Variants in RTN1 observed in about 807,000 individuals in gnomAD.
RTN1 encodes reticulon 1.
In RTN1, 25 loss-of-function variants were observed where a neutral mutation model predicts 65.5. That is an observed-to-expected ratio of 0.38 (90% CI 0.28 to 0.53). The LOEUF is 0.53. Ranked by LOEUF, RTN1 falls within the 20% of genes least tolerant of loss-of-function variation. RTN1 has a pLI of 0.79. For missense variants in RTN1, 983 were observed against 1,025.4 expected (o/e 0.96, Z 0.57); for synonymous variants, 471 against 447.6 (o/e 1.05, Z -0.66).
In RTN1 at chr14:59,810,756, G is replaced by A. The variant is rs80098717; in HGVS notation, c.241+59634C>T. On this transcript the variant is annotated intron_variant, in intron 1 of 8. Coordinates refer to ENST00000267484, the MANE Select transcript of RTN1 (RefSeq NM_021136.3). ...ATCTTCAATATTCATAGGAGTCAGC[G>A]AGGTGAAGAGGACAAGGACAAGTAC... 4.2e-3 allele frequency among the ~76,000 whole-genome samples: 646 copies of A among 152,294 alleles called. 19 individuals carry two copies. The East Asian group carries it at 0.058, about 14-fold the overall frequency.
intron 1 of RTN1, among the ~76,000 whole-genome samples, chr14:59,755,700 C>T (rs570913577): frequency 6.6e-6 from 1 of 152,278 alleles, no homozygotes; most frequent in East Asian, 1.9e-4. Flanking sequence ...ACCTAGAAAA[C>T]ATTCTCCTTC....
At chr14:59,619,386 CA>C (rs796464886) in intron 3 of RTN1, among the ~76,000 whole-genome samples, 11 of 152,260 alleles carry the variant, frequency 7.2e-5, no homozygotes, top group African/African-American at 2.6e-4. Flanking sequence ...ATGAGGCTGA[CA>C]ATTGCACACA....
At chr14:59,845,973 G>C (rs1185059070) in intron 1 of RTN1, among the ~76,000 whole-genome samples, 1 of 152,170 alleles carries the variant, frequency 6.6e-6, no homozygotes, top group Non-Finnish European at 1.5e-5. Context: ...ATTAGGAACA[G>C]CAGAAGCTTG....
At chr14:59,795,951 A>G (rs899482328) in intron 1 of RTN1, among the ~76,000 whole-genome samples, 2 of 152,178 alleles carry the variant, frequency 1.3e-5, no homozygotes, top group Admixed American at 1.3e-4. Flanking sequence ...TTATCCAAAA[A>G]TTATGTATTA....
chr14:59,764,543 A>AACTC (rs927550431), intron 1 of RTN1, among the ~76,000 whole-genome samples: 3 of 152,054 alleles, frequency 2.0e-5, no homozygotes, highest in Admixed American at 6.5e-5. Flanking sequence ...GGTGGTCTCG[A>AACTC]ACTCCTGACC....
At chr14:59,772,579 T>C (rs529640241) in intron 1 of RTN1, among the ~76,000 whole-genome samples, 1 of 152,116 alleles carries the variant, frequency 6.6e-6, no homozygotes, top group South Asian at 2.1e-4. Context: ...AGGAAATTAT[T>C]GCTCCTGGCT....
chr14:59,686,326 T>C lies in RTN1; in HGVS notation c.1765+40593A>G, dbSNP rs76865289. ...AAACAAAAACAAAAAAATGAAATGA[T>C]ATCGAATTTAAAAAACTTCTGCAAA... On this transcript the variant is annotated intron_variant, in intron 3 of 8. Coordinates refer to ENST00000267484, the MANE Select transcript of RTN1 (RefSeq NM_021136.3). Among the ~76,000 whole-genome samples, 623 of 152,218 alleles carry C rather than the reference T, an allele frequency of 4.1e-3. 3 individuals carry two copies. The highest frequency in any genetic ancestry group is 0.015 in the African/African-American group (605 of 41,530).
intron 3 of RTN1, among the ~76,000 whole-genome samples, chr14:59,649,059 T>C (rs558073987): frequency 2.0e-5 from 3 of 152,256 alleles, no homozygotes; most frequent in African/African-American, 7.2e-5. Flanking sequence ...CCAAAACAGA[T>C]ATATAGACCA....
At chr14:59,776,602 G>A (rs1477555172) in intron 1 of RTN1, among the ~76,000 whole-genome samples, 1 of 152,120 alleles carries the variant, frequency 6.6e-6, no homozygotes, top group Non-Finnish European at 1.5e-5. Flanking sequence ...AGTGTTTGGT[G>A]AGGAGATTTT....
intron 3 of RTN1, among the ~76,000 whole-genome samples, chr14:59,688,782 A>C (rs1174376284): frequency 6.6e-6 from 1 of 152,170 alleles, no homozygotes; most frequent in Non-Finnish European, 1.5e-5. Context: ...GAAAGAAAAC[A>C]ACAATAATAT....
chr14:59,756,887 C>T (rs1885650861), intron 1 of RTN1, among the ~76,000 whole-genome samples: 1 of 142,030 alleles, frequency 7.0e-6, no homozygotes, highest in South Asian at 2.2e-4. Flanking sequence ...TGCAGTGGTA[C>T]CATCATGACT....
chr14:59,619,457 T>C (rs2140175162), intron 3 of RTN1, among the ~76,000 whole-genome samples: 1 of 152,344 alleles, frequency 6.6e-6, no homozygotes, highest in Non-Finnish European at 1.5e-5. Context: ...TCTGTCACAG[T>C]AGCCCTCAGT....
chr14:59,655,000 T>C (rs1486832839), intron 3 of RTN1, among the ~76,000 whole-genome samples: 1 of 152,154 alleles, frequency 6.6e-6, no homozygotes, highest in African/African-American at 2.4e-5. Context: ...GCCATTGACA[T>C]TGAAAATGAA....
chr14:59,837,174 G>A (rs572881496), intron 1 of RTN1, among the ~76,000 whole-genome samples: 24 of 151,908 alleles, frequency 1.6e-4, no homozygotes, highest in African/African-American at 5.8e-4. Flanking sequence ...AGACTTAAAC[G>A]AAAGCAAATA....
chr14:59,668,690 T>C (rs1005983341), intron 3 of RTN1, among the ~76,000 whole-genome samples: 1 of 152,154 alleles, frequency 6.6e-6, no homozygotes, highest in African/African-American at 2.4e-5. Context: ...GAGAAAATTT[T>C]TGCAATCTAC....
At chr14:59,851,793 G>A (rs1347771560) in intron 1 of RTN1, among the ~76,000 whole-genome samples, 6 of 150,666 alleles carry the variant, frequency 4.0e-5, no homozygotes, top group African/African-American at 1.2e-4. Flanking sequence ...GGAGGTGGAG[G>A]TTGCAGTGAG....
chr14:59,810,535 T>C (rs1886710639), intron 1 of RTN1, among the ~76,000 whole-genome samples: 1 of 152,148 alleles, frequency 6.6e-6, no homozygotes, highest in Admixed American at 6.6e-5. Context: ...AATCTAAGAC[T>C]CTTCACATTT....
At chr14:59,733,522 C>T (rs1415909500) in intron 2 of RTN1, among the ~76,000 whole-genome samples, 1 of 152,038 alleles carries the variant, frequency 6.6e-6, no homozygotes, top group Non-Finnish European at 1.5e-5. Flanking sequence ...GGATGGAGTG[C>T]TCAGAGGAGG....
intron 3 of RTN1, among the ~76,000 whole-genome samples, chr14:59,688,184 A>G (rs1883887276): frequency 6.6e-6 from 1 of 152,136 alleles, no homozygotes; most frequent in Non-Finnish European, 1.5e-5. Context: ...TAGCAGCTAG[A>G]GCCACCCCAC....
Sources: gnomAD v4.1 joint callset for allele counts (sites outside exome capture counted in the v4.1 genomes callset) on GRCh38, gnomAD v4.1.1 for gene constraint, MANE v1.5 for transcripts, NCBI Gene and HGNC (gene_info 2026-07-23, HGNC 2026-07-21) for gene names.